ADCY2: variants seen among roughly 807,000 people sequenced by gnomAD.
The protein encoded by ADCY2 is adenylate cyclase 2, also known as adenylate cyclase type 2.
A neutral mutation model predicts 125.2 loss-of-function variants in ADCY2; 31 were observed. The ratio of observed to expected loss-of-function variants is 0.25; its 90% CI spans 0.19 to 0.33. The LOEUF is 0.33. Among genes scored for constraint, ADCY2 ranks in the 10% least tolerant of loss-of-function variants. ADCY2 has a pLI of 1.00. For missense variants in ADCY2, 904 were observed against 1,418.2 expected (o/e 0.64, Z 5.82); for synonymous variants, 512 against 548.4 (o/e 0.93, Z 0.93).
chr5:7,626,929 G>A (rs1738150576), intron 4 of ADCY2, among the ~76,000 whole-genome samples: 1 of 152,322 alleles, frequency 6.6e-6, no homozygotes, highest in Non-Finnish European at 1.5e-5. Context: ...TCCCCATGCA[G>A]CCTTCAGACC....
chr5:7,423,681 C>T (rs893681780), intron 2 of ADCY2, among the ~76,000 whole-genome samples: 5 of 152,146 alleles, frequency 3.3e-5, no homozygotes, highest in South Asian at 4.1e-4. Flanking sequence ...TTATTAGCAG[C>T]GTGAGAACAG....
At chr5:7,553,333 G>A (rs1735398740) in intron 3 of ADCY2, among the ~76,000 whole-genome samples, 1 of 152,190 alleles carries the variant, frequency 6.6e-6, no homozygotes, top group South Asian at 2.1e-4. Context: ...GTCTTCGGAG[G>A]AGCGCAGTTC....
At chr5:7,643,647 C>T (rs1738788463) in intron 4 of ADCY2, among the ~76,000 whole-genome samples, 1 of 151,544 alleles carries the variant, frequency 6.6e-6, no homozygotes, top group Non-Finnish European at 1.5e-5. Context: ...ATCTTTTAAT[C>T]CATGACATTT....
intron 2 of ADCY2, among the ~76,000 whole-genome samples, chr5:7,513,078 G>GACACACACACACACACACACACAC (rs142515106): frequency 3.4e-4 from 42 of 124,062 alleles, no homozygotes; most frequent in African/African-American, 1.2e-3. Context: ...GAAAATACAT[G>GACACACACACACACACACACACAC]ACACACACAC....
intron 14 of ADCY2, among the ~76,000 whole-genome samples, chr5:7,729,452 A>G (rs1384806202): frequency 6.6e-6 from 1 of 151,602 alleles, no homozygotes; most frequent in Non-Finnish European, 1.5e-5. Flanking sequence ...TTTCTTCTAT[A>G]TTTATTTTGT....
At chr5:7,501,020 A>G (rs1249196430) in intron 2 of ADCY2, among the ~76,000 whole-genome samples, 1 of 152,112 alleles carries the variant, frequency 6.6e-6, no homozygotes, top group Non-Finnish European at 1.5e-5. Context: ...CACAGTTGGA[A>G]TGATGGTGCA....
At chr5:7,669,370 A>G (rs1017006641) in intron 4 of ADCY2, among the ~76,000 whole-genome samples, 5 of 152,194 alleles carry the variant, frequency 3.3e-5, no homozygotes, top group African/African-American at 1.2e-4. Context: ...GAGTTTGTAC[A>G]CAAAGCTCGG....
Position 7,826,923 on chromosome 5 carries a change from C to T in ADCY2, c.*52C>T, listed in dbSNP as rs1475031077. The T allele has an allele frequency of 1.9e-6, 3 of 1,550,728 alleles. No homozygotes were observed. Among genetic ancestry groups the T allele is most frequent in the Non-Finnish European group, 2.6e-6 (3 of 1,149,778 alleles). The stretch of plus-strand genomic sequence containing the variant: ...ACTGTATTTTCAGGAAGGTATCACA[C>T]ACTTTCTGACTGCAACTTCTGTCCC... On this transcript the variant is annotated 3_prime_UTR_variant, in exon 25 of 25. Transcript: ENST00000338316.
intron 3 of ADCY2, among the ~76,000 whole-genome samples, chr5:7,587,820 G>A (rs1403563267): frequency 6.6e-6 from 1 of 152,164 alleles, no homozygotes; most frequent in Non-Finnish European, 1.5e-5. Context: ...AAGAGGATAG[G>A]GAAACGTTGA....
At chr5:7,492,158 A>C (rs1031841794) in intron 2 of ADCY2, among the ~76,000 whole-genome samples, 1 of 152,206 alleles carries the variant, frequency 6.6e-6, no homozygotes, top group East Asian at 1.9e-4. Flanking sequence ...AGGGGAACCT[A>C]GAAAGGGACC....
chr5:7,455,341 G>A (rs1301045862), intron 2 of ADCY2, among the ~76,000 whole-genome samples: 2 of 152,040 alleles, frequency 1.3e-5, no homozygotes, highest in East Asian at 3.8e-4. Flanking sequence ...TGAGATGCTG[G>A]TCAGTGATCA....
chr5:7,474,254 A>T (rs1336235542), intron 2 of ADCY2, among the ~76,000 whole-genome samples: 1 of 152,254 alleles, frequency 6.6e-6, no homozygotes, highest in Non-Finnish European at 1.5e-5. Flanking sequence ...AAGATTGAAC[A>T]TGTAGGAAGC....
Position 7,470,822 on chromosome 5 carries a change from A to G in ADCY2, c.409-49916A>G, listed in dbSNP as rs1021908779. On this transcript the variant is annotated intron_variant, in intron 2 of 24. Coordinates refer to ENST00000338316, the MANE Select transcript of ADCY2 (RefSeq NM_020546.3). The stretch of plus-strand genomic sequence containing the variant: ...ATGGTGTTTTTTCAGGTTTCTCCTC[A>G]TTACTGATTTTCTGTCTACTTAATA... Among the ~76,000 whole-genome samples the G allele has an allele frequency of 1.2e-4, 18 of 151,440 alleles. 1 individual carries two copies. The highest frequency in any genetic ancestry group is 1.9e-4 in the Non-Finnish European group (13 of 67,618).
At chr5:7,724,391 G>C (rs1184702840) in intron 12 of ADCY2, among the ~76,000 whole-genome samples, 154 bp from the exon 13 acceptor site, 1 of 149,266 alleles carries the variant, frequency 6.7e-6, no homozygotes, top group Non-Finnish European at 1.5e-5. Context: ...TCCATATCCA[G>C]TTAGTTGGCA....
chr5:7,575,004 G>A (rs1290830779), intron 3 of ADCY2, among the ~76,000 whole-genome samples: 1 of 152,084 alleles, frequency 6.6e-6, no homozygotes, highest in Non-Finnish European at 1.5e-5. Context: ...TAAAATGATA[G>A]CAGTAGTACA....
intron 22 of ADCY2, among the ~76,000 whole-genome samples, chr5:7,814,630 G>A (rs1056370393): frequency 6.6e-6 from 1 of 151,984 alleles, no homozygotes; most frequent in Middle Eastern, 3.2e-3. Context: ...CTCCCCTTTA[G>A]CTACCACCTT....
intron 4 of ADCY2, among the ~76,000 whole-genome samples, chr5:7,682,358 C>A (rs916179307): frequency 1.3e-5 from 2 of 152,148 alleles, no homozygotes; most frequent in Non-Finnish European, 2.9e-5. Flanking sequence ...AGTTTATAGA[C>A]CCCCTTTAAG....
chr5:7,708,095 G>A (rs1018727581), intron 9 of ADCY2: 7 of 364,186 alleles, frequency 1.9e-5, no homozygotes, highest in African/African-American at 1.5e-4. Flanking sequence ...TGTCATGTGT[G>A]TTAGTCGGTG....
At chr5:7,453,429 C>T (rs556099389) in intron 2 of ADCY2, among the ~76,000 whole-genome samples, 23 of 152,246 alleles carry the variant, frequency 1.5e-4, no homozygotes, top group African/African-American at 5.5e-4. Context: ...GCCACAGCCA[C>T]CCCCACCTTC....
Sources: gnomAD v4.1 joint callset for allele counts (sites outside exome capture counted in the v4.1 genomes callset) on GRCh38, gnomAD v4.1.1 for gene constraint, MANE v1.5 for transcripts, NCBI Gene and HGNC (gene_info 2026-07-23, HGNC 2026-07-21) for gene names.